The following MAGI2 variants were observed in gnomAD, a reference collection of about 807,000 sequenced individuals.
MAGI2 encodes membrane-associated guanylate kinase, WW and PDZ domain-containing protein 2.
In MAGI2, 35 loss-of-function variants were observed where a neutral mutation model predicts 133.3. The observed-to-expected ratio is 0.26, with a 90% CI of 0.20 to 0.35. The LOEUF is 0.35. Among genes scored for constraint, MAGI2 ranks in the 10% least tolerant of loss-of-function variants. The pLI is 1.00. For synonymous variants in MAGI2, 729 were observed against 710.6 expected (o/e 1.03, Z -0.41); for missense variants, 1,636 against 1,863.4 (o/e 0.88, Z 2.25).
At chr7:78,262,715 TATAAAA>T (rs1199910046) in intron 9 of MAGI2, among the ~76,000 whole-genome samples, 1 of 152,200 alleles carries the variant, frequency 6.6e-6, no homozygotes, top group Non-Finnish European at 1.5e-5. Context: ...GGCATCATGT[TATAAAA>T]AGAGAGGATT....
intron 21 of MAGI2, among the ~76,000 whole-genome samples, chr7:78,040,446 C>A (rs1294924805): frequency 6.6e-6 from 1 of 152,204 alleles, no homozygotes. Flanking sequence ...CTCTACCCTG[C>A]CCGGCTCAGC....
At chr7:78,840,262 A>C (rs967938066) in intron 2 of MAGI2, among the ~76,000 whole-genome samples, 1 of 152,210 alleles carries the variant, frequency 6.6e-6, no homozygotes, top group Middle Eastern at 3.4e-3. Context: ...CTGTTTTGGA[A>C]CTTTAGTTAG....
intron 1 of MAGI2, 178 bp downstream of exon 1, chr7:79,452,842 C>T: frequency 1.6e-6 from 1 of 643,130 alleles, no homozygotes; most frequent in Non-Finnish European, 2.6e-6. Context: ...CCCCTCCCCT[C>T]CCTTTAGCCC....
chr7:78,460,417 A>G (rs1056180046), intron 6 of MAGI2, among the ~76,000 whole-genome samples: 1 of 152,236 alleles, frequency 6.6e-6, no homozygotes, highest in African/African-American at 2.4e-5. Context: ...TCTTTTGAAA[A>G]TTCTAACTCA....
intron 6 of MAGI2, among the ~76,000 whole-genome samples, chr7:78,483,369 T>C (rs1792628971): frequency 1.3e-5 from 2 of 151,932 alleles, no homozygotes; most frequent in African/African-American, 4.8e-5. Flanking sequence ...AGAAACAAAG[T>C]AGGACAGAGT....
At chr7:79,204,621 T>A (rs1828881986) in intron 1 of MAGI2, among the ~76,000 whole-genome samples, 1 of 152,022 alleles carries the variant, frequency 6.6e-6, no homozygotes, top group Non-Finnish European at 1.5e-5. Context: ...TGACTAATCC[T>A]AAATAATTGA....
intron 6 of MAGI2, among the ~76,000 whole-genome samples, chr7:78,414,170 T>C (rs535931600): frequency 3.2e-4 from 49 of 152,162 alleles, no homozygotes; most frequent in Middle Eastern, 3.4e-3. Context: ...ATCATTTTAG[T>C]AAGTTGGCAA....
At chr7:79,241,984 C>T (rs146128071) in intron 1 of MAGI2, among the ~76,000 whole-genome samples, 2 of 152,144 alleles carry the variant, frequency 1.3e-5, no homozygotes, top group African/African-American at 4.8e-5. Context: ...GCCTGCCAAC[C>T]CTAGCCTGTG....
intron 2 of MAGI2, among the ~76,000 whole-genome samples, chr7:78,912,558 A>G (rs1211483684): frequency 6.6e-6 from 1 of 151,942 alleles, no homozygotes; most frequent in Non-Finnish European, 1.5e-5. Context: ...TTAGCCTTCC[A>G]GCCTACATCT....
At chr7:79,366,739 G>A (rs929154387) in intron 1 of MAGI2, among the ~76,000 whole-genome samples, 3 of 152,008 alleles carry the variant, frequency 2.0e-5, no homozygotes, top group African/African-American at 7.2e-5. Flanking sequence ...TCTCAAAAAT[G>A]TTTCAATTAA....
Position 78,336,386 on chromosome 7 carries a change from G to C in MAGI2, c.1408+7392C>G, listed in dbSNP as rs76748478. On this transcript the variant is annotated intron_variant, in intron 9 of 21. Coordinates refer to ENST00000354212, the MANE Select transcript of MAGI2 (RefSeq NM_012301.4). ...AGAGGTAGCGACCACTGAAAGAGCAGTGATATCTACCTGCTCAAGTGGAGA... is the reference window on the plus strand; with the variant it reads ...AGAGGTAGCGACCACTGAAAGAGCACTGATATCTACCTGCTCAAGTGGAGA... Among the ~76,000 whole-genome samples the C allele has an allele frequency of 5.2e-3, 785 of 152,284 alleles. 9 individuals carry two copies. The highest frequency in any genetic ancestry group is 0.017 in the African/African-American group (725 of 41,564).
At chr7:79,335,946 T>G (rs1159409667) in intron 1 of MAGI2, among the ~76,000 whole-genome samples, 2 of 152,094 alleles carry the variant, frequency 1.3e-5, no homozygotes, top group Non-Finnish European at 2.9e-5. Flanking sequence ...CACCTCTTAT[T>G]TGGGGGCCTC....
intron 2 of MAGI2, among the ~76,000 whole-genome samples, chr7:78,800,848 T>C (rs1429116820): frequency 6.6e-6 from 1 of 152,088 alleles, no homozygotes; most frequent in Non-Finnish European, 1.5e-5. Context: ...GAATGGGGTT[T>C]CAGGTTCCAA....
chr7:78,781,876 C>T (rs761417409), intron 2 of MAGI2, among the ~76,000 whole-genome samples: 3 of 152,114 alleles, frequency 2.0e-5, no homozygotes, highest in African/African-American at 4.8e-5. Context: ...TGAATTTTTG[C>T]TTTGAAATCT....
chr7:78,050,922 C>A (rs1811941818), intron 21 of MAGI2, among the ~76,000 whole-genome samples: 1 of 152,238 alleles, frequency 6.6e-6, no homozygotes, highest in Admixed American at 6.5e-5. Flanking sequence ...GAAGCACTTT[C>A]ACACTCAGTT....
At chr7:78,644,396 A>G (rs1810627369) in intron 2 of MAGI2, among the ~76,000 whole-genome samples, 1 of 152,124 alleles carries the variant, frequency 6.6e-6, no homozygotes, top group East Asian at 1.9e-4. Flanking sequence ...ATAAAGATAG[A>G]CCATATTCTT....
At chr7:79,338,753 T>C (rs1003842628) in intron 1 of MAGI2, among the ~76,000 whole-genome samples, 1 of 152,268 alleles carries the variant, frequency 6.6e-6, no homozygotes, top group Admixed American at 6.5e-5. Flanking sequence ...TCCCTTGAGA[T>C]GAAAGAGCCA....
chr7:78,722,317 A>C (rs1343213686), intron 2 of MAGI2, among the ~76,000 whole-genome samples: 1 of 151,882 alleles, frequency 6.6e-6, no homozygotes, highest in Non-Finnish European at 1.5e-5. Flanking sequence ...TAATCATGAC[A>C]CTCTCAGGAG....
chr7:79,029,767 A>G (rs1180133639), intron 1 of MAGI2, among the ~76,000 whole-genome samples: 4 of 152,140 alleles, frequency 2.6e-5, no homozygotes. Context: ...AGAGAACTGT[A>G]AAGGGTAAAT....
Sources: allele counts gnomAD v4.1 joint callset (sites outside exome capture counted in the v4.1 genomes callset), GRCh38; gene constraint gnomAD v4.1.1; transcripts MANE v1.5; gene names NCBI Gene and HGNC (gene_info 2026-07-23, HGNC 2026-07-21).